Variants in SNX29 observed in about 807,000 individuals in gnomAD.
SNX29 encodes sorting nexin 29.
Under a neutral mutation model 102.1 loss-of-function variants are expected in SNX29, and 78 were observed. That is an observed-to-expected ratio of 0.76 (90% confidence interval 0.64 to 0.92). The LOEUF is 0.92. SNX29 is among the 40% of genes least tolerant of loss of function. The pLI is 0.00. For synonymous variants in SNX29, 580 were observed against 414.5 expected, an observed-to-expected ratio of 1.40 and a Z score of -4.85; for missense variants, 1,280 against 1,061.7, an observed-to-expected ratio of 1.21 and a Z score of -2.86.
chr16:12,341,321 G>A (rs1054437288), intron 15 of SNX29, among the ~76,000 whole-genome samples: 1 of 152,164 alleles, frequency 6.6e-6, no homozygotes, highest in African/African-American at 2.4e-5. Flanking sequence ...TTCTTCTTGG[G>A]TAAAAGGATA....
chr16:12,355,181 A>G (rs1203702633), intron 15 of SNX29, among the ~76,000 whole-genome samples: 1 of 152,220 alleles, frequency 6.6e-6, no homozygotes, highest in Admixed American at 6.5e-5. Flanking sequence ...CCCTTTGGCT[A>G]TCATTCATAT....
intron 18 of SNX29, among the ~76,000 whole-genome samples, chr16:12,468,111 C>G (rs962663003): frequency 6.6e-6 from 1 of 151,612 alleles, no homozygotes; most frequent in Admixed American, 6.6e-5. Context: ...CACATGTTCC[C>G]TCTGCCCTGC....
At position 12,032,603 on chromosome 16, in the gene SNX29, T is replaced by C. The variant is rs566199151; in HGVS notation, c.247+5159T>C. On this transcript the variant is annotated intron_variant, in intron 4 of 20. Coordinates refer to ENST00000566228, the MANE Select transcript of SNX29 (RefSeq NM_032167.5). ...ATGACAGTTGGGTGTCTTCCACTTA[T>C]GGGCTATTGTGAATGGTACTGCTGT... Among the ~76,000 whole-genome samples the C allele has an allele frequency of 6.6e-5, 10 of 152,300 alleles. No homozygotes were observed. In the East Asian group the frequency reaches 1.3e-3, roughly 21 times the overall value.
Position 12,572,635 on chromosome 16 carries a change from A to C in SNX29, c.*4006A>C, listed in dbSNP as rs1204045192. ...CGGCTACCCCCAGAATCCATCCTTC[A>C]TTCCTCCACCAAGCTCCTGTGTGAG... On this transcript the variant is annotated 3_prime_UTR_variant, in exon 21 of 21. Transcript: ENST00000566228. The C allele has an allele frequency of 9.4e-6, 10 of 1,063,724 alleles. No individual in the cohort carries two copies. The highest frequency in any genetic ancestry group is 1.1e-5 in the Non-Finnish European group (10 of 878,384). The allele number at this position is 1,063,724 out of a possible 1,614,324, so 65.9% of individuals were successfully genotyped here.
At chr16:12,403,353 G>T (rs878868711) in intron 17 of SNX29, 95 bp from the exon 18 acceptor site, 2 of 1,226,192 alleles carry the variant, frequency 1.6e-6, no homozygotes, top group Middle Eastern at 2.4e-4. Context: ...AATACCTCTT[G>T]GAGTAGAAAA....
chr16:12,379,105 C>T (rs1199989689), intron 16 of SNX29, among the ~76,000 whole-genome samples: 1 of 152,170 alleles, frequency 6.6e-6, no homozygotes, highest in African/African-American at 2.4e-5. Context: ...ACTCCTGTTT[C>T]CTGCCCCTTC....
In SNX29 at chr16:12,027,388, C is replaced by T. The variant is rs779646747; in HGVS notation, c.191C>T (p.Ala64Val). Residue 64 changes from alanine (A) to valine (V), a missense_variant, in exon 4 of 21, where the codon GCA (alanine) becomes GTA (valine). Coordinates refer to ENST00000566228, the MANE Select transcript of SNX29 (RefSeq NM_032167.5). ...GGCTTGAAGAGGAGTCGAGGATTGG[C>T]ACTCACAGCGGCAGCGATCAAGCAG... ...QHGLKRSRGLALTAAAIKQAA... is the reference protein window; with the variant it reads ...QHGLKRSRGLVLTAAAIKQAA... 6.2e-6 allele frequency: 10 copies of T among 1,614,044 alleles called. No individual in the cohort carries two copies. The East Asian group carries it at 1.8e-4, about 29-fold the overall frequency.
intron 20 of SNX29, among the ~76,000 whole-genome samples, chr16:12,557,084 A>C (rs965215991): frequency 2.0e-5 from 3 of 146,514 alleles, no homozygotes; most frequent in African/African-American, 7.6e-5. Flanking sequence ...GCCAGGCTCA[A>C]GCCATCTAGC....
chr16:12,212,840 G>A (rs920307988), intron 14 of SNX29, among the ~76,000 whole-genome samples: 4 of 152,194 alleles, frequency 2.6e-5, no homozygotes, highest in Non-Finnish European at 5.9e-5. Context: ...AGGGCTGGGC[G>A]CTGTGGCTCA....
intron 13 of SNX29, among the ~76,000 whole-genome samples, chr16:12,159,171 G>T (rs769843654): frequency 4.1e-4 from 62 of 152,344 alleles, no homozygotes; most frequent in Non-Finnish European, 8.4e-4. Flanking sequence ...TCCCAGCAAG[G>T]CTGGCACCCC....
chr16:12,458,312 G>A (rs920605350), intron 18 of SNX29, among the ~76,000 whole-genome samples: 5 of 152,066 alleles, frequency 3.3e-5, no homozygotes, highest in African/African-American at 1.2e-4. Flanking sequence ...ATTTCGGCGG[G>A]GGACAGGTCT....
intron 15 of SNX29, among the ~76,000 whole-genome samples, chr16:12,323,029 T>C (rs209841): frequency 1.1e-4 from 4 of 37,024 alleles, no homozygotes; most frequent in African/African-American, 4.9e-4. Flanking sequence ...CTGGAGTCAC[T>C]GGGGACCACT....
Position 12,573,339 on chromosome 16 carries a change from T to G in SNX29, c.*4710T>G, listed in dbSNP as rs565148281. 27 of 225,552 alleles carry G rather than the reference T, an allele frequency of 1.2e-4. No homozygotes were observed. Among genetic ancestry groups the G allele is most frequent in the African/African-American group, 5.6e-4 (25 of 45,030 alleles). 14.0% of individuals were successfully genotyped at this position (225,552 alleles called of 1,614,324 possible). On this transcript the variant is annotated 3_prime_UTR_variant, in exon 21 of 21. Coordinates refer to ENST00000566228, the MANE Select transcript of SNX29 (RefSeq NM_032167.5). Reference sequence around the variant, plus strand: ...GGGTACTCTGAATTATGTCATGGAGTAGACAGTTACTTCTAAATCCCAGCA... The same window carrying G: ...GGGTACTCTGAATTATGTCATGGAGGAGACAGTTACTTCTAAATCCCAGCA...
chr16:12,056,933 T>C (rs550772022), intron 8 of SNX29, among the ~76,000 whole-genome samples: 91 of 148,790 alleles, frequency 6.1e-4, no homozygotes, highest in Admixed American at 1.2e-3. Flanking sequence ...GTGATCTCCC[T>C]GCCTCAGCCT....
In SNX29 at chr16:12,068,985, T is replaced by A; in HGVS notation, c.1244-72T>A. 7 of 1,427,858 alleles carry A rather than the reference T, an allele frequency of 4.9e-6. No individual in the cohort carries two copies. The South Asian group carries it at 6.1e-5, about 12-fold the overall frequency. 88.4% of individuals were successfully genotyped at this position (1,427,858 alleles called of 1,614,324 possible). ...TGTAGCAGATGAGCCAATGTCTGCATTGTGTCTTTGTCTTATGGAGAACAT... is the reference window on the plus strand; with the variant it reads ...TGTAGCAGATGAGCCAATGTCTGCAATGTGTCTTTGTCTTATGGAGAACAT... On this transcript the variant is annotated intron_variant, in intron 9 of 20. Transcript: ENST00000566228.
chr16:12,181,812 C>G (rs2076391773), intron 13 of SNX29, among the ~76,000 whole-genome samples: 1 of 151,204 alleles, frequency 6.6e-6, no homozygotes, highest in African/African-American at 2.4e-5. Flanking sequence ...TCCTTGCCTG[C>G]TTATATTTTG....
chr16:12,500,918 C>G (rs3902080), intron 19 of SNX29, among the ~76,000 whole-genome samples: 2 of 152,060 alleles, frequency 1.3e-5, no homozygotes, highest in Non-Finnish European at 2.9e-5. Context: ...GTGGAGGGCA[C>G]CTGTTGCTCA....
chr16:12,214,296 A>C (rs1249607262), intron 14 of SNX29, among the ~76,000 whole-genome samples: 1 of 152,242 alleles, frequency 6.6e-6, no homozygotes, highest in Non-Finnish European at 1.5e-5. Flanking sequence ...CCTCCTCGGA[A>C]GGAGGCCAGA....
At chr16:12,560,136 C>G (rs144008388) in intron 20 of SNX29, among the ~76,000 whole-genome samples, 8 of 5,584 alleles carry the variant, frequency 1.4e-3, no homozygotes, top group Non-Finnish European at 2.7e-3. Flanking sequence ...GTGTTCCCCT[C>G]CCCCCCCCAA....
Sources: gnomAD v4.1 joint callset for allele counts (sites outside exome capture counted in the v4.1 genomes callset) on GRCh38, gnomAD v4.1.1 for gene constraint, MANE v1.5 for transcripts, NCBI Gene and HGNC (gene_info 2026-07-23, HGNC 2026-07-21) for gene names.